Variants in ZNF592 observed in about 807,000 individuals in gnomAD.
ZNF592 encodes the protein spinocerebellar ataxia, autosomal recessive 5.
A neutral mutation model predicts 80.3 loss-of-function variants in ZNF592; 11 were observed. That is an observed-to-expected ratio of 0.14 (90% CI 0.09 to 0.23). ZNF592 has a LOEUF of 0.23. Ranked by LOEUF, ZNF592 falls within the 10% of genes least tolerant of loss-of-function variation. The pLI is 1.00. For synonymous variants in ZNF592, 646 were observed against 640.3 expected (o/e 1.01, Z -0.13); for missense variants, 1,420 against 1,633.9 (o/e 0.87, Z 2.26).
intron 4 of ZNF592, among the ~76,000 whole-genome samples, chr15:84,788,412 C>T (rs893807445): frequency 5.5e-4 from 83 of 151,888 alleles, no homozygotes; most frequent in Non-Finnish European, 1.5e-4. Flanking sequence ...TTTTTGCTTC[C>T]GTGAGGGCTA....
rs764800200 is a variant in ZNF592, at chr15:84,783,207, G to A, written c.532G>A (p.Val178Met). 2 of 1,614,118 alleles carry A rather than the reference G, an allele frequency of 1.2e-6. No homozygotes were observed. The highest frequency in any genetic ancestry group is 2.7e-5 in the African/African-American group (2 of 74,946). Residue 178 changes from valine to methionine, a missense_variant, in exon 4 of 11, where the codon GTG becomes ATG. Transcript: ENST00000560079. The surrounding 1 kb of genome is among the most constrained non-coding windows in gnomAD (Gnocchi z 5.0). ...YFPPPLGCGAVGGPVLEALAK... is the reference protein window; with the variant it reads ...YFPPPLGCGAMGGPVLEALAK... Reference sequence around the variant, plus strand: ...CCCACCCCCTCTTGGGTGCGGGGCTGTGGGAGGCCCAGTCCTGGAGGCTCT... The same window carrying A: ...CCCACCCCCTCTTGGGTGCGGGGCTATGGGAGGCCCAGTCCTGGAGGCTCT...
intron 2 of ZNF592, among the ~76,000 whole-genome samples, chr15:84,768,269 C>T (rs1331714525): frequency 1.8e-4 from 24 of 132,908 alleles, no homozygotes; most frequent in African/African-American, 6.8e-4. Context: ...TGTGCTCTGT[C>T]GCCCAGGCTG....
intron 4 of ZNF592, among the ~76,000 whole-genome samples, chr15:84,787,658 G>A (rs117955738): frequency 0.011 from 1,622 of 152,272 alleles, 18 homozygotes; most frequent in Non-Finnish European, 0.018. Flanking sequence ...TCCAAGCCAC[G>A]CTGTTGGGGC....
chr15:84,805,007 A>G lies in ZNF592; in HGVS notation c.*2614A>G, dbSNP rs1337012337. ...TCAACCACTGTGCTCGTTAGTGACC[A>G]AGGCTGCTTTGACAGGCTGCCAGCT... On this transcript the variant is annotated 3_prime_UTR_variant, in exon 11 of 11. Transcript: ENST00000560079. 1 of 152,162 alleles carries G rather than the reference A, an allele frequency of 6.6e-6. No individual in the cohort carries two copies. The highest frequency in any genetic ancestry group is 1.5e-5 in the Non-Finnish European group (1 of 68,016). 9.4% of individuals were successfully genotyped at this position (152,162 alleles called of 1,614,324 possible).
intron 5 of ZNF592, 61 bp downstream of exon 5, chr15:84,790,944 A>G: frequency 1.9e-6 from 3 of 1,606,018 alleles, no homozygotes; most frequent in Non-Finnish European, 2.6e-6. Context: ...TTCCTAAGCC[A>G]GAACTCATTT....
Position 84,798,733 on chromosome 15 carries a change from G to T in ZNF592, c.2882G>T (p.Gly961Val). The change falls in exon 8 of 11, where the codon GGC becomes GTC. Residue 961 changes from glycine (G) to valine (V), a missense_variant. Physicochemically the swap from Gly to Val is moderately radical, Grantham distance 109. Around this residue, in one of 7 missense-constraint regions of ZNF592, gnomAD observed 331 missense variants for 347.0 expected, o/e 0.95. Transcript: ENST00000560079. The surrounding 1 kb of genome is among the most constrained non-coding windows in gnomAD (Gnocchi z 4.5). Reference sequence around the variant, plus strand: ...GCTCGGAGCAGCTCCCTGCCTTCTGGCCGCTGGGGTAGGCCTGAAGCCCAC... The same window carrying T: ...GCTCGGAGCAGCTCCCTGCCTTCTGTCCGCTGGGGTAGGCCTGAAGCCCAC... The part of the protein sequence containing the change: ...VAARSSSLPS[G>V]RWGRPEAHRR... 3 of 1,611,092 alleles carry T rather than the reference G, an allele frequency of 1.9e-6. No homozygotes were observed. The highest frequency in any genetic ancestry group is 2.5e-6 in the Non-Finnish European group (3 of 1,179,970).
chr15:84,797,087 A>C (rs898064220), intron 5 of ZNF592, among the ~76,000 whole-genome samples: 1 of 152,054 alleles, frequency 6.6e-6, no homozygotes, highest in Non-Finnish European at 1.5e-5. Flanking sequence ...CAGCCACCTG[A>C]GTAGCTGGGA....
At chr15:84,790,662 C>T (rs774854171) in intron 4 of ZNF592, 43 bp from the exon 5 acceptor site, 21 of 1,608,546 alleles carry the variant, frequency 1.3e-5, no homozygotes, top group Non-Finnish European at 7.7e-6. Flanking sequence ...AGCCACAGGC[C>T]TATGGCCCCT....
Position 84,754,743 on chromosome 15 carries a change from TTCTC to T in ZNF592, c.-259+6082_-259+6085del, listed in dbSNP as rs569562926. Among the ~76,000 whole-genome samples the T allele has an allele frequency of 4.5e-3, 689 of 151,908 alleles. 8 individuals are homozygous for T. Among genetic ancestry groups the T allele is most frequent in the African/African-American group, 0.016 (661 of 41,416 alleles). On this transcript the variant is annotated intron_variant, in intron 1 of 10. Transcript: ENST00000560079. ...AAAAGAGAGGTAATGGTGGCTCCCTTTCTCTCATCAACACACTCTGGGGGATGAA... is the reference window on the plus strand; with the variant it reads ...AAAAGAGAGGTAATGGTGGCTCCCTTTCATCAACACACTCTGGGGGATGAA...
intron 1 of ZNF592, among the ~76,000 whole-genome samples, chr15:84,759,391 A>G (rs752859055): frequency 2.0e-5 from 3 of 152,024 alleles, no homozygotes; most frequent in Non-Finnish European, 4.4e-5. Context: ...TTGGGAGGAG[A>G]GAGGTGGTGG....
rs758039102 is a variant in ZNF592, at chr15:84,783,231, C to G, written c.556C>G (p.Leu186Val). The change falls in exon 4 of 11, where the codon CTG (leucine) becomes GTG (valine). Residue 186 changes from leucine (L) to valine (V), a missense_variant. Leu to Val is a conservative substitution (Grantham distance 32). Transcript: ENST00000560079. The surrounding 1 kb of genome is among the most constrained non-coding windows in gnomAD (Gnocchi z 5.0). ...GAVGGPVLEA[L>V]AKFPVPELHM... ...TGTGGGAGGCCCAGTCCTGGAGGCT[C>G]TGGCTAAGTTTCCGGTTCCAGAGCT... is the stretch of plus-strand genomic sequence containing the variant. The G allele has an allele frequency of 1.9e-6, 3 of 1,614,112 alleles. No homozygotes were observed. In the Admixed American group the frequency reaches 5.0e-5, roughly 27 times the overall value.
chr15:84,776,818 A>G (rs1211035992), intron 2 of ZNF592, among the ~76,000 whole-genome samples: 1 of 151,756 alleles, frequency 6.6e-6, no homozygotes, highest in East Asian at 2.0e-4. Context: ...TTGGGCGGCC[A>G]AGGCCGGTGG....
intron 2 of ZNF592, among the ~76,000 whole-genome samples, chr15:84,771,390 G>A (rs1567063869): frequency 6.6e-6 from 1 of 152,136 alleles, no homozygotes; most frequent in African/African-American, 2.4e-5. Flanking sequence ...GCCCTGGTGG[G>A]TTGGGGTATC....
At position 84,754,678 on chromosome 15, in the gene ZNF592, G is replaced by A. The variant is rs115034469; in HGVS notation, c.-259+6014G>A. On this transcript the variant is annotated intron_variant, in intron 1 of 10. Coordinates refer to ENST00000560079, the MANE Select transcript of ZNF592 (RefSeq NM_014630.3). ...GATCCCAGGAGTTCGAGACCAGCCT[G>A]GGCAACATTGAAAGACCCCGTCTCT... Among the ~76,000 whole-genome samples, 334 of 150,924 alleles carry A rather than the reference G, an allele frequency of 2.2e-3. 1 individual carries two copies. The highest frequency in any genetic ancestry group is 7.7e-3 in the African/African-American group (317 of 41,052).
chr15:84,796,267 TTA>T (rs1165913540), intron 5 of ZNF592, among the ~76,000 whole-genome samples: 2,797 of 43,502 alleles, frequency 0.064, 47 homozygotes, highest in South Asian at 0.13. Flanking sequence ...TATATATATT[TTA>T]TATATATATA....
intron 1 of ZNF592, among the ~76,000 whole-genome samples, chr15:84,752,160 G>T (rs1360977216): frequency 2.0e-5 from 3 of 152,168 alleles, no homozygotes; most frequent in Non-Finnish European, 4.4e-5. Flanking sequence ...TTTATTTCTT[G>T]AATTTCGTGT....
chr15:84,773,551 A>G (rs1962152566), intron 2 of ZNF592, among the ~76,000 whole-genome samples: 1 of 152,196 alleles, frequency 6.6e-6, no homozygotes, highest in Non-Finnish European at 1.5e-5. Context: ...AGGCCAGTTC[A>G]GAGAGGGGCC....
At chr15:84,795,591 C>A (rs1196807528) in intron 5 of ZNF592, among the ~76,000 whole-genome samples, 1 of 152,192 alleles carries the variant, frequency 6.6e-6, no homozygotes, top group Non-Finnish European at 1.5e-5. Context: ...AGATTCTTTA[C>A]ACATATCAGA....
intron 5 of ZNF592, among the ~76,000 whole-genome samples, chr15:84,792,361 G>GC (rs777212689): frequency 1.8e-4 from 27 of 152,276 alleles, no homozygotes; most frequent in Middle Eastern, 3.4e-3. Context: ...CAGTAATCTG[G>GC]CTAGTATGTT....
Sources: gnomAD v4.1 joint callset for allele counts (sites outside exome capture counted in the v4.1 genomes callset) on GRCh38, gnomAD v4.1.1 for gene constraint, gnomAD v4.1.1 regional missense constraint, Gnocchi (gnomAD v3.1) non-coding constraint, MANE v1.5 for transcripts, NCBI Gene and HGNC (gene_info 2026-07-23, HGNC 2026-07-21) for gene names.